The following RERE variants were observed in gnomAD, a reference collection of about 807,000 sequenced individuals.
RERE encodes arginine-glutamic acid dipeptide repeats protein.
Under a neutral mutation model 146.1 loss-of-function variants are expected in RERE, and 40 were observed. The ratio of observed to expected loss-of-function variants is 0.27; its 90% CI spans 0.21 to 0.36. The LOEUF is 0.36. RERE is among the 10% of genes least tolerant of loss of function. The pLI is 1.00. For synonymous variants in RERE, 1,003 were observed against 866.0 expected, an observed-to-expected ratio of 1.16 and a Z score of -2.78; for missense variants, 1,933 against 2,138.7, an observed-to-expected ratio of 0.90 and a Z score of 1.90.
chr1:8,530,502 G>A (rs1167193581), intron 7 of RERE, among the ~76,000 whole-genome samples: 2 of 152,012 alleles, frequency 1.3e-5, no homozygotes, highest in Non-Finnish European at 2.9e-5. Context: ...CCAAAATGGG[G>A]AGGCGGGGCG....
chr1:8,569,230 A>C (rs530608582), intron 4 of RERE, among the ~76,000 whole-genome samples: 1 of 151,626 alleles, frequency 6.6e-6, no homozygotes, highest in African/African-American at 2.4e-5. Context: ...CTAAAGCTTT[A>C]AACAGTCCAT....
intron 1 of RERE, among the ~76,000 whole-genome samples, chr1:8,768,028 G>T (rs191156611): frequency 6.6e-6 from 1 of 152,162 alleles, no homozygotes; most frequent in South Asian, 2.1e-4. Context: ...GAGAAAAGAC[G>T]AGCTACGTGG....
intron 2 of RERE, among the ~76,000 whole-genome samples, chr1:8,625,148 T>C (rs1215232233): frequency 2.0e-5 from 3 of 152,010 alleles, no homozygotes; most frequent in Non-Finnish European, 4.4e-5. Context: ...TTGTTTGTTT[T>C]GTTTTGTTTT....
rs1285966860 is a variant in RERE, at chr1:8,700,063, T to C, written c.-144-43622A>G. 1.2e-4 allele frequency among the ~76,000 whole-genome samples: 18 copies of C among 152,106 alleles called. 1 individual carries two copies. Among genetic ancestry groups the C allele is most frequent in the Admixed American group, 1.2e-3 (18 of 15,272 alleles). On this transcript the variant is annotated intron_variant, in intron 1 of 22. Transcript: ENST00000400908. ...GGCTCATGCCTGTAATACCAGCACT[T>C]TGGGAGGCCGAGGCGAGTGGATCAC...
intron 12 of RERE, among the ~76,000 whole-genome samples, chr1:8,420,880 G>A (rs1029068968): frequency 6.6e-6 from 1 of 152,028 alleles, no homozygotes; most frequent in Non-Finnish European, 1.5e-5. Flanking sequence ...TGCCTCTGAA[G>A]GAGAAAAAAG....
At chr1:8,688,096 C>T (rs1472865411) in intron 1 of RERE, among the ~76,000 whole-genome samples, 14 of 152,118 alleles carry the variant, frequency 9.2e-5, no homozygotes, top group Admixed American at 6.6e-4. Flanking sequence ...AAAAGTGATA[C>T]GCATTCAGTG....
chr1:8,548,647 C>A (rs1645896341), intron 6 of RERE, among the ~76,000 whole-genome samples: 1 of 152,164 alleles, frequency 6.6e-6, no homozygotes, highest in African/African-American at 2.4e-5. Flanking sequence ...AACTGAGTTT[C>A]TTCTGTGTTG....
At chr1:8,791,070 T>C (rs1406457121) in intron 1 of RERE, among the ~76,000 whole-genome samples, 1 of 152,196 alleles carries the variant, frequency 6.6e-6, no homozygotes, top group East Asian at 1.9e-4. Flanking sequence ...AGAAAGGTAT[T>C]TTGGATTCAG....
intron 4 of RERE, among the ~76,000 whole-genome samples, chr1:8,594,660 A>G (rs1646533987): frequency 6.6e-6 from 1 of 152,350 alleles, no homozygotes; most frequent in Non-Finnish European, 1.5e-5. Context: ...AATACAATAT[A>G]TTAATAAATA....
At chr1:8,455,221 A>C (rs1443958379) in intron 11 of RERE, among the ~76,000 whole-genome samples, 1 of 152,084 alleles carries the variant, frequency 6.6e-6, no homozygotes, top group Non-Finnish European at 1.5e-5. Context: ...TGTTCTTAGC[A>C]GCATGATTCC....
At chr1:8,410,398 C>A (rs932928606) in intron 12 of RERE, among the ~76,000 whole-genome samples, 1 of 152,248 alleles carries the variant, frequency 6.6e-6, no homozygotes, top group African/African-American at 2.4e-5. Flanking sequence ...ACTACACAGG[C>A]CCACATGAAG....
intron 1 of RERE, among the ~76,000 whole-genome samples, chr1:8,703,683 T>C (rs1002217553): frequency 6.6e-6 from 1 of 152,222 alleles, no homozygotes; most frequent in African/African-American, 2.4e-5. Context: ...AAGCAAGATA[T>C]TAAAGAGGCA....
chr1:8,723,181 G>A (rs1013968552), intron 1 of RERE, among the ~76,000 whole-genome samples: 5 of 152,134 alleles, frequency 3.3e-5, no homozygotes, highest in African/African-American at 4.8e-5. Flanking sequence ...GGTAGGAATC[G>A]AAACTGCAGA....
intron 16 of RERE, among the ~76,000 whole-genome samples, 189 bp downstream of exon 16, chr1:8,362,494 T>G (rs1641622055): frequency 6.6e-6 from 1 of 152,166 alleles, no homozygotes; most frequent in Non-Finnish European, 1.5e-5. Flanking sequence ...GAGTTGGTGC[T>G]CGAGCCCCCT....
Position 8,682,348 on chromosome 1 carries a change from T to C in RERE, c.-144-25907A>G, listed in dbSNP as rs188910124. On this transcript the variant is annotated intron_variant, in intron 1 of 22. Transcript: ENST00000400908. ...TCACATTTCAATATAAATCTCTTTATCAATACCACAGCCTTTGAATTTGCT... is the reference window on the plus strand; with the variant it reads ...TCACATTTCAATATAAATCTCTTTACCAATACCACAGCCTTTGAATTTGCT... Among the ~76,000 whole-genome samples, 310 of 152,350 alleles carry C rather than the reference T, an allele frequency of 2.0e-3. 1 individual carries two copies. Among genetic ancestry groups the C allele is most frequent in the Admixed American group, 4.7e-3 (72 of 15,308 alleles).
intron 4 of RERE, among the ~76,000 whole-genome samples, chr1:8,562,495 T>C (rs1340225507): frequency 5.9e-5 from 9 of 152,074 alleles, no homozygotes; most frequent in African/African-American, 2.2e-4. Flanking sequence ...TGTTTGTTTG[T>C]TTGTTTGTTT....
intron 7 of RERE, 83 bp downstream of exon 7, chr1:8,541,131 C>CTACACACACACACACA (rs1645795050): frequency 4.3e-6 from 3 of 694,260 alleles, no homozygotes; most frequent in African/African-American, 3.6e-5. Flanking sequence ...GAAGCATAAA[C>CTACACACACACACACA]TACACACACA....
intron 1 of RERE, among the ~76,000 whole-genome samples, chr1:8,784,464 T>C (rs1369444616): frequency 7.3e-6 from 1 of 136,406 alleles, no homozygotes; most frequent in Non-Finnish European, 1.7e-5. Context: ...TTGCTTGGGG[T>C]TTTTTTTCTC....
chr1:8,697,836 C>A (rs538406025), intron 1 of RERE, among the ~76,000 whole-genome samples: 4 of 152,126 alleles, frequency 2.6e-5, no homozygotes, highest in South Asian at 2.1e-4. Flanking sequence ...ATTTTGAGTC[C>A]TTCCAAAAGA....
Sources: gnomAD v4.1 joint callset for allele counts (sites outside exome capture counted in the v4.1 genomes callset) on GRCh38, gnomAD v4.1.1 for gene constraint, MANE v1.5 for transcripts, NCBI Gene and HGNC (gene_info 2026-07-23, HGNC 2026-07-21) for gene names.